Variants in PRDM5 observed in about 807,000 individuals in gnomAD.
The protein encoded by PRDM5 is PR/SET domain 5.
In PRDM5, 56 loss-of-function variants were observed where a neutral mutation model predicts 81.2. That is an observed-to-expected ratio of 0.69 (90% CI 0.56 to 0.86). The LOEUF is 0.86. Among genes scored for constraint, PRDM5 ranks in the 40% least tolerant of loss-of-function variants. The pLI is 0.00. For synonymous variants in PRDM5, 267 were observed against 256.4 expected (o/e 1.04, Z -0.39); for missense variants, 697 against 770.1 (o/e 0.91, Z 1.12).
chr4:120,909,107 T>C (rs532787468), intron 1 of PRDM5, among the ~76,000 whole-genome samples: 13 of 152,252 alleles, frequency 8.5e-5, no homozygotes, highest in African/African-American at 2.6e-4. Flanking sequence ...ACTAAGAAAA[T>C]TGAGCCTCGG....
intron 14 of PRDM5, among the ~76,000 whole-genome samples, chr4:120,725,323 T>C (rs1305956086): frequency 1.3e-5 from 2 of 148,594 alleles, no homozygotes; most frequent in Non-Finnish European, 3.0e-5. Context: ...CTTTCACAAA[T>C]GGGTGTTTGT....
At chr4:120,756,004 A>T (rs1442902339) in intron 13 of PRDM5, among the ~76,000 whole-genome samples, 1 of 152,216 alleles carries the variant, frequency 6.6e-6, no homozygotes, top group Non-Finnish European at 1.5e-5. Context: ...TAAATGAGCT[A>T]TCCAGACTTA....
chr4:120,738,534 T>C (rs1741446009), intron 14 of PRDM5, among the ~76,000 whole-genome samples: 1 of 152,220 alleles, frequency 6.6e-6, no homozygotes, highest in African/African-American at 2.4e-5. Flanking sequence ...AAGTTCACAC[T>C]TTCCTGGGTC....
At chr4:120,907,634 G>A in intron 1 of PRDM5, 77 bp from the exon 2 acceptor site, 1 of 1,177,590 alleles carries the variant, frequency 8.5e-7, no homozygotes, top group Non-Finnish European at 1.3e-6. Context: ...TTTTTCTTCT[G>A]GAATGTTTTT....
intron 2 of PRDM5, among the ~76,000 whole-genome samples, chr4:120,872,594 A>G (rs1307784822): frequency 6.6e-6 from 1 of 152,108 alleles, no homozygotes; most frequent in Non-Finnish European, 1.5e-5. Flanking sequence ...ACAAAAATAA[A>G]AGATAAAAAA....
intron 14 of PRDM5, among the ~76,000 whole-genome samples, chr4:120,746,133 T>C (rs1742976960): frequency 6.6e-5 from 4 of 60,360 alleles, no homozygotes; most frequent in Admixed American, 1.7e-4. Flanking sequence ...ACGTCGCATA[T>C]CTACAACTAT....
chr4:120,871,766 CAAA>C lies in PRDM5; in HGVS notation c.178-18229_178-18227del, dbSNP rs139374666. On this transcript the variant is annotated intron_variant, in intron 2 of 15. Coordinates refer to ENST00000264808, the MANE Select transcript of PRDM5 (RefSeq NM_018699.4). ...AAATACATTAGGGTGGCTACTGTTTCAAAAAAAAAAAAAAGAAAGAATTGGTGA... is the reference window on the plus strand; with the variant it reads ...AAATACATTAGGGTGGCTACTGTTTCAAAAAAAAAAAGAAAGAATTGGTGA... Among the ~76,000 whole-genome samples, 663 of 137,640 alleles carry C rather than the reference CAAA, an allele frequency of 4.8e-3. 2 individuals are homozygous for C. The highest frequency in any genetic ancestry group is 0.014 in the African/African-American group (532 of 36,796). 90.3% of individuals were successfully genotyped at this position (137,640 alleles called of 152,430 possible). A position where few individuals can be genotyped will look rare whatever the true frequency, so the allele number is the denominator to read the frequency against.
At chr4:120,809,278 G>A (rs1368615739) in intron 8 of PRDM5, among the ~76,000 whole-genome samples, 6 of 152,032 alleles carry the variant, frequency 3.9e-5, no homozygotes, top group Admixed American at 3.3e-4. Context: ...AGCATTAGGA[G>A]ATATACCTAA....
At chr4:120,805,125 C>T (rs1443626639) in intron 8 of PRDM5, among the ~76,000 whole-genome samples, 2 of 152,198 alleles carry the variant, frequency 1.3e-5, no homozygotes, top group African/African-American at 4.8e-5. Context: ...TTCCTCGACA[C>T]ATACACCCTC....
At chr4:120,790,155 T>C (rs1281078807) in intron 10 of PRDM5, among the ~76,000 whole-genome samples, 1 of 152,202 alleles carries the variant, frequency 6.6e-6, no homozygotes, top group Non-Finnish European at 1.5e-5. Flanking sequence ...AACACTGCTT[T>C]GAACAAACAC....
Position 120,841,177 on chromosome 4 carries a change from T to C in PRDM5, c.300+12241A>G, listed in dbSNP as rs557955413. ...CATTTTCCTAGATTTTGTGACATAG[T>C]AGACTTCTCAAAATTATCAGAGTGA... On this transcript the variant is annotated intron_variant, in intron 3 of 15. Transcript: ENST00000264808. Among the ~76,000 whole-genome samples the C allele has an allele frequency of 3.9e-4, 59 of 152,326 alleles. No homozygotes were observed. In the South Asian group the frequency reaches 0.012, roughly 32 times the overall value.
At chr4:120,837,444 T>C (rs1403980112) in intron 3 of PRDM5, 1 of 152,252 alleles carries the variant, frequency 6.6e-6, no homozygotes, top group Non-Finnish European at 1.5e-5. Flanking sequence ...CTTTATTCAA[T>C]AGCAAGGTGC....
At chr4:120,791,722 T>A (rs1750599362) in intron 10 of PRDM5, among the ~76,000 whole-genome samples, 1 of 152,172 alleles carries the variant, frequency 6.6e-6, no homozygotes, top group Non-Finnish European at 1.5e-5. Flanking sequence ...ATGGACTCAA[T>A]GTTTGTGTCC....
chr4:120,688,170 A>G (rs1330293113), downstream of PRDM5, among the ~76,000 whole-genome samples: 1 of 151,690 alleles, frequency 6.6e-6, no homozygotes, highest in African/African-American at 2.4e-5. Context: ...TGAAGTGGCC[A>G]TTCTAATTGG....
At chr4:120,782,322 T>G (rs3827584) in intron 11 of PRDM5, among the ~76,000 whole-genome samples, 6,900 of 152,178 alleles carry the variant, frequency 0.045, 313 homozygotes, top group Middle Eastern at 0.15. Flanking sequence ...ATAATTAAAT[T>G]TCTATATCTA....
chr4:120,772,515 A>AGCG (rs1298455226), intron 13 of PRDM5, among the ~76,000 whole-genome samples: 1 of 152,248 alleles, frequency 6.6e-6, no homozygotes, highest in East Asian at 1.9e-4. Flanking sequence ...TTAACGTTGC[A>AGCG]GCGGCGGCAG....
At chr4:120,904,199 AAAAAAAC>A (rs1440174245) in intron 2 of PRDM5, among the ~76,000 whole-genome samples, 7 of 144,748 alleles carry the variant, frequency 4.8e-5, no homozygotes, top group East Asian at 2.0e-4. Context: ...CAAAAAAAAA[AAAAAAAC>A]AAAAAAACCT....
intron 14 of PRDM5, among the ~76,000 whole-genome samples, chr4:120,751,131 A>G (rs967622626): frequency 6.6e-6 from 1 of 152,066 alleles, no homozygotes; most frequent in African/African-American, 2.4e-5. Context: ...GCAGCCTTGA[A>G]CTCCTGGCCT....
intron 1 of PRDM5, among the ~76,000 whole-genome samples, chr4:120,919,738 T>C (rs1724658345): frequency 1.3e-5 from 2 of 152,190 alleles, no homozygotes; most frequent in Non-Finnish European, 2.9e-5. Context: ...CACTGAAGCA[T>C]TCAACTGTGC....
Sources: gnomAD v4.1 joint callset for allele counts (sites outside exome capture counted in the v4.1 genomes callset) on GRCh38, gnomAD v4.1.1 for gene constraint, MANE v1.5 for transcripts, NCBI Gene and HGNC (gene_info 2026-07-23, HGNC 2026-07-21) for gene names.